Variants in KCNH7 observed in about 807,000 individuals in gnomAD.
KCNH7 encodes the protein potassium voltage-gated channel subfamily H member 7.
KCNH7 carries 49 observed loss-of-function variants against 120.8 expected under a neutral mutation model. That is an observed-to-expected ratio of 0.41 (90% CI 0.32 to 0.51). KCNH7 has a LOEUF of 0.51. KCNH7 is among the 20% of genes least tolerant of loss of function. The probability of loss-of-function intolerance (pLI) is 0.38; values close to 1 mark genes in which losing one functional copy is unlikely to be tolerated. For synonymous variants in KCNH7, 547 were observed against 516.1 expected (o/e 1.06, Z -0.81); for missense variants, 1,097 against 1,446.6 (o/e 0.76, Z 3.92).
At chr2:162,657,587 TA>T (rs1241701946) in intron 2 of KCNH7, among the ~76,000 whole-genome samples, 2 of 152,306 alleles carry the variant, frequency 1.3e-5, no homozygotes, top group African/African-American at 4.8e-5. Context: ...TTTACCTACA[TA>T]AAAAATATTT....
At chr2:162,796,952 C>T (rs533595011) in intron 2 of KCNH7, 13 of 151,964 alleles carry the variant, frequency 8.6e-5, no homozygotes, top group African/African-American at 2.9e-4. Flanking sequence ...ATATGGATAA[C>T]CTTCCATTTG....
At chr2:162,477,735 G>T (rs1214371821) in intron 6 of KCNH7, among the ~76,000 whole-genome samples, 3 of 152,030 alleles carry the variant, frequency 2.0e-5, no homozygotes, top group Non-Finnish European at 4.4e-5. Flanking sequence ...GATTTAGGAG[G>T]GGATGTGGTA....
At chr2:162,745,919 T>C (rs971124032) in intron 2 of KCNH7, among the ~76,000 whole-genome samples, 2 of 152,070 alleles carry the variant, frequency 1.3e-5, no homozygotes, top group Non-Finnish European at 2.9e-5. Context: ...TGCTTTTTTT[T>C]TCTAAGCCAA....
At chr2:162,633,844 A>C (rs910438827) in intron 2 of KCNH7, among the ~76,000 whole-genome samples, 1 of 152,022 alleles carries the variant, frequency 6.6e-6, no homozygotes, top group Non-Finnish European at 1.5e-5. Context: ...ATTTCCTAGA[A>C]ATTCTCCACA....
chr2:162,532,453 G>T (rs990276814), intron 3 of KCNH7, among the ~76,000 whole-genome samples: 2 of 151,860 alleles, frequency 1.3e-5, no homozygotes, highest in African/African-American at 4.8e-5. Context: ...TAGTCAAGCA[G>T]GTTGACGTCA....
chr2:162,796,097 GTTGTTTACATACAC>G (rs1460103340), intron 2 of KCNH7: 1 of 152,004 alleles, frequency 6.6e-6, no homozygotes, highest in African/African-American at 2.4e-5. Flanking sequence ...TAAATGAAAA[GTTGTTTACATACAC>G]AATGGATGAC....
In KCNH7 at chr2:162,743,042, C is replaced by T. The variant is rs372808685; in HGVS notation, c.307+93495G>A. On this transcript the variant is annotated intron_variant, in intron 2 of 15. Transcript: ENST00000332142. ...TTGTCAGCCATATTTGGTGCTCAGG[C>T]TTCCCTTCTGTGAGTCTCTCACTAG... is the stretch of plus-strand genomic sequence containing the variant. Among the ~76,000 whole-genome samples, 30 of 152,240 alleles carry T rather than the reference C, an allele frequency of 2.0e-4. No homozygotes were observed. The South Asian group carries it at 5.8e-3, about 29-fold the overall frequency.
At chr2:162,438,466 G>A (rs1274423862) in intron 7 of KCNH7, among the ~76,000 whole-genome samples, 1 of 152,040 alleles carries the variant, frequency 6.6e-6, no homozygotes, top group African/African-American at 2.4e-5. Flanking sequence ...AAGATATATG[G>A]GACATGTTGA....
chr2:162,374,974 G>C (rs1438080957), intron 14 of KCNH7, among the ~76,000 whole-genome samples: 1 of 152,028 alleles, frequency 6.6e-6, no homozygotes, highest in Non-Finnish European at 1.5e-5. Context: ...TAATTTTTAT[G>C]CTTCCAACTA....
At chr2:162,425,125 C>T (rs183758158) in intron 8 of KCNH7, among the ~76,000 whole-genome samples, 2 of 152,048 alleles carry the variant, frequency 1.3e-5, no homozygotes, top group Non-Finnish European at 2.9e-5. Flanking sequence ...TCTACTCCAG[C>T]CTTTGGACTT....
intron 2 of KCNH7, among the ~76,000 whole-genome samples, chr2:162,696,308 A>C (rs150902206): frequency 6.6e-6 from 1 of 152,312 alleles, no homozygotes; most frequent in East Asian, 1.9e-4. Flanking sequence ...TTTAGTAATT[A>C]TGTTGGAAAT....
chr2:162,829,599 TTAA>T (rs994364411), intron 2 of KCNH7, among the ~76,000 whole-genome samples: 20 of 152,126 alleles, frequency 1.3e-4, no homozygotes, highest in African/African-American at 4.8e-4. Flanking sequence ...AGGTAACAGG[TTAA>T]TAATTTCTGG....
At chr2:162,436,288 G>C (rs906955690) in intron 7 of KCNH7, among the ~76,000 whole-genome samples, 7 of 152,056 alleles carry the variant, frequency 4.6e-5, no homozygotes, top group African/African-American at 1.4e-4. Flanking sequence ...ATAACTGTGG[G>C]AACACTTATT....
At chr2:162,444,563 TTTTAAAATTCAGAC>T (rs1277102704) in intron 7 of KCNH7, among the ~76,000 whole-genome samples, 1 of 152,200 alleles carries the variant, frequency 6.6e-6, no homozygotes, top group Non-Finnish European at 1.5e-5. Context: ...TTTTAGTGCA[TTTTAAAATTCAGAC>T]TTTAAAATTT....
chr2:162,612,870 AAC>A (rs1683016209), intron 2 of KCNH7, among the ~76,000 whole-genome samples: 1 of 152,046 alleles, frequency 6.6e-6, no homozygotes, highest in Non-Finnish European at 1.5e-5. Flanking sequence ...TACAGGCTGC[AAC>A]AGTCTCCAGC....
chr2:162,642,292 A>G (rs935699455), intron 2 of KCNH7, among the ~76,000 whole-genome samples: 21 of 152,224 alleles, frequency 1.4e-4, no homozygotes, highest in Non-Finnish European at 2.9e-5. Context: ...GAGCTAAAAC[A>G]CTGCCTTTAC....
At chr2:162,701,990 G>C (rs959462964) in intron 2 of KCNH7, among the ~76,000 whole-genome samples, 1 of 148,418 alleles carries the variant, frequency 6.7e-6, no homozygotes, top group Non-Finnish European at 1.5e-5. Context: ...CTGGGTGACA[G>C]AGTGAGACGC....
At chr2:162,435,818 G>A (rs1337667904) in intron 7 of KCNH7, among the ~76,000 whole-genome samples, 1 of 152,012 alleles carries the variant, frequency 6.6e-6, no homozygotes, top group African/African-American at 2.4e-5. Flanking sequence ...ATTGTGGCAT[G>A]CAAGACATGG....
intron 5 of KCNH7, among the ~76,000 whole-genome samples, chr2:162,505,585 T>C (rs947084761): frequency 6.6e-6 from 1 of 151,920 alleles, no homozygotes; most frequent in African/African-American, 2.4e-5. Flanking sequence ...GAATCTGTTG[T>C]CTGTTGCTTA....
Sources: allele counts gnomAD v4.1 joint callset (sites outside exome capture counted in the v4.1 genomes callset), GRCh38; gene constraint gnomAD v4.1.1; transcripts MANE v1.5; gene names NCBI Gene and HGNC (gene_info 2026-07-23, HGNC 2026-07-21).